Variants in MPP7 observed in about 807,000 individuals in gnomAD.
MPP7 encodes the protein MAGUK p55 subfamily member 7.
MPP7 carries 60 observed loss-of-function variants against 76.5 expected under a neutral mutation model. The observed-to-expected ratio is 0.78, with a 90% CI of 0.64 to 0.97. The LOEUF is 0.97. Among genes scored for constraint, MPP7 ranks in the 50% least tolerant of loss-of-function variants. The pLI is 0.00. For synonymous variants in MPP7, 237 were observed against 244.5 expected (o/e 0.97, Z 0.29); for missense variants, 641 against 694.0 (o/e 0.92, Z 0.86).
rs183155427 is a variant in MPP7 at position 28,277,730 on chromosome 10, T to G, written c.-132+25131A>C. On this transcript the variant is annotated intron_variant, in intron 1 of 16. Coordinates refer to ENST00000683449, the MANE Select transcript of MPP7 (RefSeq NM_001318170.2). ...CAGCTGTAGTAATCTAGGTCAGAAGTGAGCATAATTAGACTAGAATGATAG... is the reference window on the plus strand; with the variant it reads ...CAGCTGTAGTAATCTAGGTCAGAAGGGAGCATAATTAGACTAGAATGATAG... Among the ~76,000 whole-genome samples the G allele has an allele frequency of 8.7e-4, 133 of 152,162 alleles. 1 individual carries two copies. The highest frequency in any genetic ancestry group is 2.9e-3 in the African/African-American group (119 of 41,442).
intron 3 of MPP7, among the ~76,000 whole-genome samples, chr10:28,164,451 G>A (rs766256627): frequency 1.3e-5 from 2 of 152,088 alleles, no homozygotes; most frequent in Non-Finnish European, 2.9e-5. Flanking sequence ...GTAGCTAAGT[G>A]GAGGGCTGCA....
At chr10:28,149,884 C>T (rs931878832) in intron 4 of MPP7, 98 bp downstream of exon 4, 3 of 751,896 alleles carry the variant, frequency 4.0e-6, no homozygotes, top group African/African-American at 3.6e-5. Flanking sequence ...CTGCTTTTCA[C>T]TCATAGGATC....
chr10:28,256,760 C>T (rs1434955538), intron 1 of MPP7, among the ~76,000 whole-genome samples: 2 of 152,196 alleles, frequency 1.3e-5, no homozygotes, highest in African/African-American at 4.8e-5. Context: ...CACAGTTCCA[C>T]TGTAAGTCTC....
At chr10:28,308,777 CAA>C (rs200117685) in intron 2 of MPP7, among the ~76,000 whole-genome samples, 3 of 141,554 alleles carry the variant, frequency 2.1e-5, no homozygotes, top group African/African-American at 2.6e-5. Context: ...GACCCTGTCT[CAA>C]AAAAAAAAAG....
At chr10:28,087,309 C>T (rs774507766) in intron 12 of MPP7, among the ~76,000 whole-genome samples, 2 of 152,216 alleles carry the variant, frequency 1.3e-5, no homozygotes, top group African/African-American at 2.4e-5. Context: ...AACCATCAGC[C>T]AAACAAATCA....
At chr10:28,297,112 C>A (rs1367348395) in intron 1 of MPP7, among the ~76,000 whole-genome samples, 1 of 152,180 alleles carries the variant, frequency 6.6e-6, no homozygotes, top group East Asian at 1.9e-4. Flanking sequence ...ATGTTCCATT[C>A]CAGACCACCT....
chr10:28,310,732 G>A (rs748237885), intron 2 of MPP7, among the ~76,000 whole-genome samples: 4 of 152,154 alleles, frequency 2.6e-5, no homozygotes, highest in Non-Finnish European at 5.9e-5. Flanking sequence ...CATTACAGCA[G>A]TGATCCTGTT....
chr10:28,302,064 T>TA (rs1564766509), intron 1 of MPP7, among the ~76,000 whole-genome samples: 1 of 152,168 alleles, frequency 6.6e-6, no homozygotes, highest in African/African-American at 2.4e-5. Flanking sequence ...CCCCCTTTTT[T>TA]AAATGTGAAT....
intron 1 of MPP7, among the ~76,000 whole-genome samples, chr10:28,273,923 A>C (rs1840406654): frequency 1.3e-5 from 2 of 151,976 alleles, no homozygotes; most frequent in South Asian, 4.1e-4. Flanking sequence ...TGAGCCCAGG[A>C]GTTCGAGTCC....
chr10:28,054,003 A>C lies in MPP7; in HGVS notation c.*62T>G, dbSNP rs949094864. 2.3e-6 allele frequency: 3 copies of C among 1,306,818 alleles called. No individual in the cohort carries two copies. The highest frequency in any genetic ancestry group is 3.0e-5 in the African/African-American group (2 of 67,408). 81.0% of individuals were successfully genotyped at this position (1,306,818 alleles called of 1,614,324 possible). A position where few individuals can be genotyped will look rare whatever the true frequency, so the allele number is the denominator to read the frequency against. On this transcript the variant is annotated 3_prime_UTR_variant, in exon 17 of 17. Coordinates refer to ENST00000683449, the MANE Select transcript of MPP7 (RefSeq NM_001318170.2). ...TATAGATTTAAAAACCCTACTACCA[A>C]AACTGTAATTGATTTCATCATGCAC...
chr10:28,292,212 T>G (rs1447705636), intron 1 of MPP7, among the ~76,000 whole-genome samples: 1 of 152,216 alleles, frequency 6.6e-6, no homozygotes, highest in African/African-American at 2.4e-5. Context: ...GTAGGCTGTG[T>G]TATCTACATT....
intron 3 of MPP7, among the ~76,000 whole-genome samples, chr10:28,182,222 T>C (rs1463675602): frequency 6.6e-6 from 1 of 152,096 alleles, no homozygotes; most frequent in Non-Finnish European, 1.5e-5. Flanking sequence ...GAAACTGGAA[T>C]GACTCAAACA....
chr10:28,122,173 A>G (rs1490940488), intron 8 of MPP7, among the ~76,000 whole-genome samples: 1 of 152,110 alleles, frequency 6.6e-6, no homozygotes, highest in East Asian at 1.9e-4. Flanking sequence ...CTTTTCTATA[A>G]TCTCCTCTTA....
At chr10:28,166,649 C>T (rs528164476) in intron 3 of MPP7, among the ~76,000 whole-genome samples, 22 of 152,126 alleles carry the variant, frequency 1.4e-4, no homozygotes, top group African/African-American at 2.6e-4. Context: ...TCAGGTGATC[C>T]GCCCATCTCG....
At chr10:28,160,188 G>T (rs1463170756) in intron 3 of MPP7, among the ~76,000 whole-genome samples, 3 of 151,450 alleles carry the variant, frequency 2.0e-5, no homozygotes, top group East Asian at 3.9e-4. Flanking sequence ...ATGAGAAAAA[G>T]AAACTAGTTT....
chr10:28,201,661 G>A (rs1372578586), intron 3 of MPP7, among the ~76,000 whole-genome samples: 1 of 152,072 alleles, frequency 6.6e-6, no homozygotes, highest in Non-Finnish European at 1.5e-5. Context: ...CGGCTTCAGT[G>A]TATTTATATA....
intron 1 of MPP7, among the ~76,000 whole-genome samples, chr10:28,249,307 G>A (rs1839536819): frequency 6.6e-6 from 1 of 152,116 alleles, no homozygotes; most frequent in Admixed American, 6.6e-5. Context: ...GTCACTATCT[G>A]GCCGGGCACA....
chr10:28,205,945 T>C (rs1837936407), intron 2 of MPP7, among the ~76,000 whole-genome samples: 1 of 152,118 alleles, frequency 6.6e-6, no homozygotes, highest in Non-Finnish European at 1.5e-5. Context: ...ATGGGTTCAT[T>C]ATATGAAGGT....
At chr10:28,057,764 T>G in intron 15 of MPP7, 1 of 1,288,662 alleles carries the variant, frequency 7.8e-7, no homozygotes, top group Non-Finnish European at 1.0e-6. Context: ...CCTTTAGAGG[T>G]CCAAAGGGCT....
Sources: gnomAD v4.1 joint callset for allele counts (sites outside exome capture counted in the v4.1 genomes callset) on GRCh38, gnomAD v4.1.1 for gene constraint, MANE v1.5 for transcripts, NCBI Gene and HGNC (gene_info 2026-07-23, HGNC 2026-07-21) for gene names.